Variants in CAMTA1 observed in about 807,000 individuals in gnomAD.
The protein encoded by CAMTA1 is calmodulin binding transcription activator 1.
A neutral mutation model predicts 170.9 loss-of-function variants in CAMTA1; 27 were observed. The ratio of observed to expected loss-of-function variants is 0.16; its 90% CI spans 0.12 to 0.22. The LOEUF is 0.22. Ranked by LOEUF, CAMTA1 falls within the 10% of genes least tolerant of loss-of-function variation. The pLI, the probability that CAMTA1 is intolerant of heterozygous loss-of-function variation, is 1.00. For synonymous variants in CAMTA1, 833 were observed against 891.5 expected (o/e 0.93, Z 1.17); for missense variants, 1,619 against 2,217.2 (o/e 0.73, Z 5.42).
At chr1:6,884,291 G>GACAC (rs112571156) in intron 3 of CAMTA1, among the ~76,000 whole-genome samples, 5,689 of 136,554 alleles carry the variant, frequency 0.042, 156 homozygotes, top group Admixed American at 0.079. Context: ...ATTCTCTAGA[G>GACAC]ACACACACAC....
At position 7,231,673 on chromosome 1, in the gene CAMTA1, G is replaced by A. The variant is rs77971291; in HGVS notation, c.303-17818G>A. Among the ~76,000 whole-genome samples the A allele has an allele frequency of 3.8e-3, 583 of 152,198 alleles. 5 individuals are homozygous for A. The highest frequency in any genetic ancestry group is 0.013 in the African/African-American group (549 of 41,532). ...TAGGTGTAAGACACTGCACCCGGCCGAGATTTTCAATCAAAGCTGCTATGT... is the reference window on the plus strand; with the variant it reads ...TAGGTGTAAGACACTGCACCCGGCCAAGATTTTCAATCAAAGCTGCTATGT... On this transcript the variant is annotated intron_variant, in intron 4 of 22. Transcript: ENST00000303635.
chr1:7,037,146 C>CGAT (rs1463392420), intron 3 of CAMTA1, among the ~76,000 whole-genome samples: 1 of 152,172 alleles, frequency 6.6e-6, no homozygotes, highest in Non-Finnish European at 1.5e-5. Flanking sequence ...GAAAGAGAGA[C>CGAT]GATACACTTG....
chr1:7,386,028 C>T (rs545196689), intron 5 of CAMTA1, among the ~76,000 whole-genome samples: 1 of 152,298 alleles, frequency 6.6e-6, no homozygotes, highest in East Asian at 1.9e-4. Context: ...CTCCTCCAGG[C>T]TCCTCCGCTC....
chr1:6,867,608 A>C (rs1015677105), intron 3 of CAMTA1, among the ~76,000 whole-genome samples: 1 of 152,180 alleles, frequency 6.6e-6, no homozygotes, highest in Non-Finnish European at 1.5e-5. Flanking sequence ...AATAGATGGC[A>C]TTTTTATCAT....
intron 4 of CAMTA1, among the ~76,000 whole-genome samples, chr1:7,182,352 G>A (rs1452888489): frequency 6.6e-6 from 1 of 151,978 alleles, no homozygotes; most frequent in Non-Finnish European, 1.5e-5. Flanking sequence ...ACTAGCCTGG[G>A]CAACATGGCA....
rs562169214 is a variant in CAMTA1, at chr1:6,838,317, C to T, written c.234+13107C>T. On this transcript the variant is annotated intron_variant, in intron 3 of 22. Transcript: ENST00000303635. ...GTGTGCAAATGGATTCCCACAACCA[C>T]GGAAGGAAGAACTGCGGCAGACATG... 8.5e-5 allele frequency among the ~76,000 whole-genome samples: 13 copies of T among 152,238 alleles called. No homozygotes were observed. In the South Asian group the frequency reaches 1.9e-3, roughly 22 times the overall value.
At chr1:7,208,626 G>A (rs1354596707) in intron 4 of CAMTA1, among the ~76,000 whole-genome samples, 1 of 152,202 alleles carries the variant, frequency 6.6e-6, no homozygotes, top group African/African-American at 2.4e-5. Context: ...TCCGAGAAGA[G>A]GCGCTTAAAT....
intron 3 of CAMTA1, among the ~76,000 whole-genome samples, chr1:6,997,804 G>A (rs1306064848): frequency 6.6e-6 from 1 of 151,530 alleles, no homozygotes; most frequent in East Asian, 1.9e-4. Flanking sequence ...GGGATTACAG[G>A]CGTGCACCAC....
rs544853387 is a variant in CAMTA1, at chr1:7,595,270, C to CTCTT, written c.511-45128_511-45127insTTTC. The stretch of plus-strand genomic sequence containing the variant: ...AGATTATCTGAAGCAAGTTGGCAAA[C>CTCTT]TCAGAGCCAACAAAGTCTGCATTTG... On this transcript the variant is annotated intron_variant, in intron 6 of 22. Transcript: ENST00000303635. Among the ~76,000 whole-genome samples the CTCTT allele has an allele frequency of 7.9e-5, 12 of 152,324 alleles. No homozygotes were observed. In the South Asian group the frequency reaches 2.3e-3, roughly 29 times the overall value.
At chr1:6,995,295 CTT>C (rs765139922) in intron 3 of CAMTA1, among the ~76,000 whole-genome samples, 2,599 of 60,244 alleles carry the variant, frequency 0.043, 10 homozygotes, top group African/African-American at 0.08. Flanking sequence ...TTTTTCTTTT[CTT>C]TTTTTTTTTT....
intron 5 of CAMTA1, among the ~76,000 whole-genome samples, chr1:7,320,020 C>T (rs1039005091): frequency 8.6e-5 from 13 of 151,508 alleles, no homozygotes; most frequent in African/African-American, 3.2e-4. Flanking sequence ...TGGGTATTTT[C>T]TACATATACA....
At chr1:6,961,509 G>C (rs1336750551) in intron 3 of CAMTA1, among the ~76,000 whole-genome samples, 1 of 151,606 alleles carries the variant, frequency 6.6e-6, no homozygotes, top group Non-Finnish European at 1.5e-5. Context: ...CATTGCTTGG[G>C]TCCTGTGTTC....
In CAMTA1 at chr1:7,169,525, T is replaced by C. The variant is rs560515035; in HGVS notation, c.302+78154T>C. Among the ~76,000 whole-genome samples, 6 of 152,276 alleles carry C rather than the reference T, an allele frequency of 3.9e-5. No homozygotes were observed. The East Asian group carries it at 1.2e-3, about 29-fold the overall frequency. The stretch of plus-strand genomic sequence containing the variant: ...CAATTTCATTTAGACTTTTTTTTTG[T>C]TGAATGGAGTCTTGCTCATGCCAGG... On this transcript the variant is annotated intron_variant, in intron 4 of 22. Coordinates refer to ENST00000303635, the MANE Select transcript of CAMTA1 (RefSeq NM_015215.4).
chr1:7,600,981 C>G (rs2095435901), intron 6 of CAMTA1, among the ~76,000 whole-genome samples: 1 of 152,160 alleles, frequency 6.6e-6, no homozygotes, highest in African/African-American at 2.4e-5. Flanking sequence ...ATGGCCCGTT[C>G]TCAATGAGCT....
At chr1:6,790,552 G>A (rs919079582) in intron 1 of CAMTA1, among the ~76,000 whole-genome samples, 6 of 152,038 alleles carry the variant, frequency 3.9e-5, no homozygotes, top group Admixed American at 3.9e-4. Context: ...AGAGTCAAAT[G>A]TATTTTTTAT....
At chr1:7,290,434 T>C (rs557080975) in intron 5 of CAMTA1, among the ~76,000 whole-genome samples, 1 of 152,348 alleles carries the variant, frequency 6.6e-6, no homozygotes, top group South Asian at 2.1e-4. Context: ...TGTTACTATA[T>C]GTCACCCAGC....
At chr1:7,705,107 C>T (rs1306196517) in intron 11 of CAMTA1, among the ~76,000 whole-genome samples, 1 of 148,508 alleles carries the variant, frequency 6.7e-6, no homozygotes, top group Non-Finnish European at 1.5e-5. Context: ...TTACGCGCGG[C>T]AGGGAGGGGC....
chr1:7,327,983 T>C (rs2082794730), intron 5 of CAMTA1, among the ~76,000 whole-genome samples: 1 of 152,188 alleles, frequency 6.6e-6, no homozygotes, highest in Non-Finnish European at 1.5e-5. Flanking sequence ...CTTGAAAATA[T>C]TAGTCCAGTG....
intron 3 of CAMTA1, among the ~76,000 whole-genome samples, chr1:7,009,476 C>T (rs1699483998): frequency 6.6e-6 from 1 of 152,174 alleles, no homozygotes; most frequent in African/African-American, 2.4e-5. Context: ...CTGTCCGGCC[C>T]CCTCTTCACT....
Sources: gnomAD v4.1 joint callset for allele counts (sites outside exome capture counted in the v4.1 genomes callset) on GRCh38, gnomAD v4.1.1 for gene constraint, MANE v1.5 for transcripts, NCBI Gene and HGNC (gene_info 2026-07-23, HGNC 2026-07-21) for gene names.